Variants in CFI observed in about 807,000 individuals in gnomAD.
CFI encodes the protein complement factor I, also known as C3B/C4B inactivator.
CFI carries 66 observed loss-of-function variants against 78.8 expected under a neutral mutation model. The ratio of observed to expected loss-of-function variants is 0.84; its 90% CI spans 0.69 to 1.03. The LOEUF is 1.03. Among genes scored for constraint, CFI ranks in the 50% least tolerant of loss-of-function variants. The probability of loss-of-function intolerance (pLI) is 0.00; values close to 1 mark genes in which losing one functional copy is unlikely to be tolerated. For missense variants in CFI, 706 were observed against 704.5 expected (o/e 1.00, Z -0.02); for synonymous variants, 250 against 232.6 (o/e 1.07, Z -0.68).
At chr4:109,735,552 C>G in the CFI span, among the ~76,000 whole-genome samples, 1 of 152,148 alleles carries the variant, frequency 6.6e-6, no homozygotes, top group East Asian at 1.9e-4. Flanking sequence ...TCCAATGTCT[C>G]ACTAATGGCC....
At chr4:109,734,456 T>C in the CFI span, among the ~76,000 whole-genome samples, 2 of 152,104 alleles carry the variant, frequency 1.3e-5, no homozygotes, top group African/African-American at 2.4e-5. Flanking sequence ...AAGAGTCTCA[T>C]TGAAGTACTA....
intron 1 of CFI, among the ~76,000 whole-genome samples, chr4:109,794,927 C>T (rs1269970099): frequency 2.6e-5 from 4 of 152,110 alleles, no homozygotes; most frequent in South Asian, 2.1e-4. Flanking sequence ...AATGTCCCAG[C>T]ACTTGTCTTC....
chr4:109,786,041 T>A (rs1426057614), intron 1 of CFI, among the ~76,000 whole-genome samples: 1 of 147,826 alleles, frequency 6.8e-6, no homozygotes, highest in Non-Finnish European at 1.5e-5. Context: ...AAAAATTCTT[T>A]AAAAAAAAAA....
intron 1 of CFI, among the ~76,000 whole-genome samples, chr4:109,792,984 T>G (rs1731568977): frequency 6.6e-6 from 1 of 152,192 alleles, no homozygotes. Flanking sequence ...AAGAAAGGAC[T>G]TACTCTTCTA....
At chr4:109,776,492 C>A (rs1303665187) in intron 1 of CFI, among the ~76,000 whole-genome samples, 3 of 152,196 alleles carry the variant, frequency 2.0e-5, no homozygotes, top group Non-Finnish European at 4.4e-5. Flanking sequence ...AAATCTACAT[C>A]TGATTGATGT....
At chr4:109,775,768 A>G (rs948932476) in intron 1 of CFI, among the ~76,000 whole-genome samples, 1 of 152,202 alleles carries the variant, frequency 6.6e-6, no homozygotes, top group East Asian at 1.9e-4. Context: ...CTGACACCTC[A>G]TACAGCCGAG....
chr4:109,798,388 G>A (rs1037368605), intron 1 of CFI, among the ~76,000 whole-genome samples: 11 of 152,148 alleles, frequency 7.2e-5, no homozygotes, highest in South Asian at 2.1e-4. Context: ...TGGTGAATAC[G>A]TTTATGGCAT....
At chr4:109,746,754 G>C (rs1724515898) in intron 10 of CFI, among the ~76,000 whole-genome samples, 3 of 152,118 alleles carry the variant, frequency 2.0e-5, no homozygotes, top group African/African-American at 7.2e-5. Context: ...TTAACAACTA[G>C]AGATGCCCAA....
At chr4:109,773,494 G>A (rs942226268) in intron 1 of CFI, among the ~76,000 whole-genome samples, 3 of 152,112 alleles carry the variant, frequency 2.0e-5, no homozygotes, top group Non-Finnish European at 2.9e-5. Flanking sequence ...CCAGCCTGGC[G>A]ACAGAGTAAG....
At chr4:109,744,462 G>T (rs2126183551) in intron 11 of CFI, among the ~76,000 whole-genome samples, 1 of 152,304 alleles carries the variant, frequency 6.6e-6, no homozygotes, top group Middle Eastern at 3.4e-3. Context: ...TTCCCAGGTG[G>T]TTTTAGACAA....
chr4:109,801,187 G>C (rs996040883), intron 1 of CFI, among the ~76,000 whole-genome samples: 7 of 152,106 alleles, frequency 4.6e-5, no homozygotes, highest in African/African-American at 1.7e-4. Context: ...GAGTTCCTTT[G>C]TAGCCCACAA....
At chr4:109,796,365 C>T (rs1174506361) in intron 1 of CFI, among the ~76,000 whole-genome samples, 1 of 152,108 alleles carries the variant, frequency 6.6e-6, no homozygotes, top group African/African-American at 2.4e-5. Context: ...ACCTGCCTTA[C>T]AAGAAATGAT....
At chr4:109,760,432 G>T (rs1232800616) in intron 5 of CFI, 52 bp from the exon 6 acceptor site, 1 of 1,505,916 alleles carries the variant, frequency 6.6e-7, no homozygotes, top group Non-Finnish European at 9.2e-7. Context: ...AGTTGAATGA[G>T]GTACAATATA....
chr4:109,770,502 GC>G (rs201780289), intron 1 of CFI, among the ~76,000 whole-genome samples: 1,878 of 150,960 alleles, frequency 0.012, 24 homozygotes, highest in African/African-American at 0.039. Context: ...TTTGCAGTGA[GC>G]GGAGACCGCA....
chr4:109,747,361 A>AT (rs5860989), intron 10 of CFI, among the ~76,000 whole-genome samples: 145,769 of 151,964 alleles, frequency 0.96, 70,227 homozygotes, highest in Non-Finnish European at 1. Context: ...ATTTAAAAAA[A>AT]TTTTTTTGTA....
In CFI at chr4:109,761,521, T is replaced by C; in HGVS notation, c.654A>G (p.Lys218=). 1 of 1,614,116 alleles carries C rather than the reference T, an allele frequency of 6.2e-7. No individual in the cohort carries two copies. The highest frequency in any genetic ancestry group is 8.5e-7 in the Non-Finnish European group (1 of 1,179,972). ...ACAGGCAAATACTCCACCAACCTGC[T>C]TTCTGTGTATAACAAACCACATCAG... ...DFADVVCYTQ[K]ADSPMDDFFQ... The change falls in exon 4 of 13, where the codon AAA becomes AAG. Residue 218 remains lysine (K), a synonymous_variant. Transcript: ENST00000394634.
chr4:109,752,949 T>TG (rs1561291934), intron 7 of CFI, among the ~76,000 whole-genome samples: 4,957 of 64,350 alleles, frequency 0.077, 1,654 homozygotes, highest in Admixed American at 0.11. Flanking sequence ...TAAATATTTA[T>TG]AATACATATT....
In CFI at chr4:109,764,680, A is replaced by G. The variant is rs777148735; in HGVS notation, c.339T>C (p.Ser113=). 65 of 1,613,806 alleles carry G rather than the reference A, an allele frequency of 4.0e-5. No individual in the cohort carries two copies. The South Asian group carries it at 6.9e-4, about 17-fold the overall frequency. ...CTGTATTTCCATGCTTCAAGGAAAC[A>G]CTAAACTTTCCTAAAATAAAAAAAC... ...NGTCTAEGKF[S]VSLKHGNTDS... Residue 113 remains serine (S), a synonymous_variant, in exon 3 of 13, where the codon AGT becomes AGC. Coordinates refer to ENST00000394634, the MANE Select transcript of CFI (RefSeq NM_000204.5).
intron 1 of CFI, among the ~76,000 whole-genome samples, chr4:109,773,078 C>T (rs760354958): frequency 2.0e-5 from 3 of 152,074 alleles, no homozygotes; most frequent in Non-Finnish European, 2.9e-5. Flanking sequence ...TGCCAGTGCT[C>T]AACAACCCAA....
Sources: allele counts gnomAD v4.1 joint callset (sites outside exome capture counted in the v4.1 genomes callset), GRCh38; gene constraint gnomAD v4.1.1; transcripts MANE v1.5; gene names NCBI Gene and HGNC (gene_info 2026-07-23, HGNC 2026-07-21).